COG5: variants seen among roughly 807,000 people sequenced by gnomAD.
The protein encoded by COG5 is component of oligomeric golgi complex 5.
Under a neutral mutation model 110.4 loss-of-function variants are expected in COG5, and 86 were observed. The observed-to-expected ratio is 0.78, with a 90% CI of 0.65 to 0.93. The LOEUF (loss-of-function observed/expected upper bound fraction) is 0.93. COG5 is among the 40% of genes least tolerant of loss of function. COG5 has a pLI of 0.00. For synonymous variants in COG5, 360 were observed against 334.6 expected, an observed-to-expected ratio of 1.08 and a Z score of -0.83; for missense variants, 1,077 against 987.0, an observed-to-expected ratio of 1.09 and a Z score of -1.22.
At chr7:107,344,753 A>G (rs1451978415) in intron 10 of COG5, among the ~76,000 whole-genome samples, 1 of 151,994 alleles carries the variant, frequency 6.6e-6, no homozygotes, top group Non-Finnish European at 1.5e-5. Context: ...TGAACTCCCA[A>G]CCTCAGGTGA....
At chr7:107,467,645 C>A (rs1443505168) in intron 6 of COG5, among the ~76,000 whole-genome samples, 3 of 152,108 alleles carry the variant, frequency 2.0e-5, no homozygotes, top group Non-Finnish European at 2.9e-5. Flanking sequence ...AGCCACTGCA[C>A]CCGGTCTGTA....
At chr7:107,489,050 TG>T (rs1196541228) in intron 6 of COG5, among the ~76,000 whole-genome samples, 1 of 152,150 alleles carries the variant, frequency 6.6e-6, no homozygotes, top group Non-Finnish European at 1.5e-5. Flanking sequence ...TCTATTTTCT[TG>T]TATCTGTAAT....
chr7:107,508,463 G>A (rs1799212478), intron 6 of COG5, among the ~76,000 whole-genome samples: 1 of 152,232 alleles, frequency 6.6e-6, no homozygotes, highest in Non-Finnish European at 1.5e-5. Flanking sequence ...GCAGGGCACA[G>A]ACAAACAAAA....
chr7:107,376,207 CA>C (rs1814623678), intron 7 of COG5, among the ~76,000 whole-genome samples: 2 of 151,920 alleles, frequency 1.3e-5, no homozygotes, highest in Admixed American at 6.5e-5. Flanking sequence ...CTTTAAATAC[CA>C]GATTTGGCAA....
At chr7:107,562,381 G>T (rs150624659) in intron 1 of COG5, among the ~76,000 whole-genome samples, 2 of 151,926 alleles carry the variant, frequency 1.3e-5, no homozygotes, top group Admixed American at 1.3e-4. Context: ...AGTTTAAAAC[G>T]TCTCCACCTA....
chr7:107,522,422 T>C (rs1173832363), intron 6 of COG5, among the ~76,000 whole-genome samples: 1 of 152,006 alleles, frequency 6.6e-6, no homozygotes, highest in Non-Finnish European at 1.5e-5. Flanking sequence ...GAGCGGAGAT[T>C]GCGCCATTGC....
intron 12 of COG5, among the ~76,000 whole-genome samples, chr7:107,286,215 A>G (rs1805616566): frequency 6.6e-6 from 1 of 152,306 alleles, no homozygotes; most frequent in East Asian, 1.9e-4. Context: ...CAGATCAAGT[A>G]ACAGGAGGGT....
intron 14 of COG5, among the ~76,000 whole-genome samples, chr7:107,278,078 C>G (rs1296595000): frequency 6.6e-6 from 1 of 152,002 alleles, no homozygotes; most frequent in African/African-American, 2.4e-5. Flanking sequence ...TATAACCAAT[C>G]TTTAGGGAAA....
intron 8 of COG5, among the ~76,000 whole-genome samples, chr7:107,368,033 A>C (rs955803216): frequency 6.6e-6 from 1 of 152,184 alleles, no homozygotes; most frequent in African/African-American, 2.4e-5. Context: ...CAAAAATAAC[A>C]TAACTAACAA....
intron 19 of COG5, among the ~76,000 whole-genome samples, chr7:107,219,623 CTTAAACAA>C (rs1163933781): frequency 1.3e-5 from 2 of 152,054 alleles, no homozygotes; most frequent in East Asian, 3.8e-4. Flanking sequence ...TTTGTGGGAT[CTTAAACAA>C]TAGAACTCAT....
rs774202087 is a variant in COG5, at chr7:107,415,773, TAC to T, written c.539-3143_539-3142del. Among the ~76,000 whole-genome samples, 330 of 135,656 alleles carry T rather than the reference TAC, an allele frequency of 2.4e-3. 18 individuals are homozygous for T. Among genetic ancestry groups the T allele is most frequent in the African/African-American group, 7.8e-3 (258 of 33,286 alleles). 89.0% of individuals were successfully genotyped at this position (135,656 alleles called of 152,430 possible). A position where few individuals can be genotyped will look rare whatever the true frequency, so the allele number is the denominator to read the frequency against. On this transcript the variant is annotated intron_variant, in intron 6 of 21. Transcript: ENST00000297135. ...ATGTATATATGTATGTGTGTATATA[TAC>T]ACACACATACACGTATGTATGTATG...
chr7:107,361,054 CA>C (rs1176870279), intron 10 of COG5, among the ~76,000 whole-genome samples: 2 of 152,076 alleles, frequency 1.3e-5, no homozygotes, highest in Non-Finnish European at 2.9e-5. Flanking sequence ...ACACAGTATA[CA>C]AAATATTTAA....
intron 14 of COG5, among the ~76,000 whole-genome samples, chr7:107,259,502 G>A (rs1803150769): frequency 6.6e-6 from 1 of 152,152 alleles, no homozygotes; most frequent in Admixed American, 6.5e-5. Flanking sequence ...GTGCCAAGGT[G>A]AGGAGGTGGA....
At chr7:107,260,049 T>C (rs1249028495) in intron 14 of COG5, among the ~76,000 whole-genome samples, 2 of 147,882 alleles carry the variant, frequency 1.4e-5, no homozygotes, top group Non-Finnish European at 3.0e-5. Context: ...AGAGTGACCA[T>C]GTGACACAGC....
At chr7:107,485,241 A>G (rs1797589375) in intron 6 of COG5, among the ~76,000 whole-genome samples, 1 of 152,222 alleles carries the variant, frequency 6.6e-6, no homozygotes, top group African/African-American at 2.4e-5. Flanking sequence ...AAATTCTGAA[A>G]TAAGCTAAAG....
At chr7:107,257,769 T>C (rs1802991746) in intron 15 of COG5, among the ~76,000 whole-genome samples, 2 of 152,050 alleles carry the variant, frequency 1.3e-5, no homozygotes, top group Admixed American at 1.3e-4. Context: ...AGTAGAAAAA[T>C]AGCAAAATGA....
intron 6 of COG5, among the ~76,000 whole-genome samples, chr7:107,509,426 T>A (rs1453750081): frequency 2.0e-5 from 3 of 152,196 alleles, no homozygotes; most frequent in Non-Finnish European, 4.4e-5. Flanking sequence ...GTCTGATTGG[T>A]GTACCTGAAA....
At chr7:107,528,236 C>A (rs1205180272) in intron 5 of COG5, among the ~76,000 whole-genome samples, 1 of 151,902 alleles carries the variant, frequency 6.6e-6, no homozygotes, top group South Asian at 2.1e-4. Flanking sequence ...GGACTACAGG[C>A]GTGTGCCACC....
intron 14 of COG5, among the ~76,000 whole-genome samples, chr7:107,269,397 C>T (rs1460016877): frequency 2.0e-5 from 3 of 151,734 alleles, no homozygotes; most frequent in Non-Finnish European, 2.9e-5. Flanking sequence ...ATGGCATGAA[C>T]CTGGGAGGTG....
Sources: gnomAD v4.1 joint callset for allele counts (sites outside exome capture counted in the v4.1 genomes callset) on GRCh38, gnomAD v4.1.1 for gene constraint, MANE v1.5 for transcripts, NCBI Gene and HGNC (gene_info 2026-07-23, HGNC 2026-07-21) for gene names.